Variants in KSR1 observed in about 807,000 individuals in gnomAD.
KSR1 encodes the protein kinase suppressor of ras.
Under a neutral mutation model 92.9 loss-of-function variants are expected in KSR1, and 35 were observed. The ratio of observed to expected loss-of-function variants is 0.38; its 90% CI spans 0.29 to 0.50. The LOEUF is 0.50. Among genes scored for constraint, KSR1 ranks in the 20% least tolerant of loss-of-function variants. The pLI is 0.94. For synonymous variants in KSR1, 467 were observed against 472.6 expected, an observed-to-expected ratio of 0.99 and a Z score of 0.15; for missense variants, 972 against 1,158.5, an observed-to-expected ratio of 0.84 and a Z score of 2.34.
chr17:27,491,141 G>T lies in KSR1; in HGVS notation c.231+34267G>T, dbSNP rs113862196. 5.4e-3 allele frequency among the ~76,000 whole-genome samples: 821 copies of T among 152,138 alleles called. 4 individuals are homozygous for T. The highest frequency in any genetic ancestry group is 0.021 in the Middle Eastern group (6 of 292). Reference sequence around the variant, plus strand: ...TAATTTTTATGTTTATTTTTTTAGAGGTGGAGTCTCATTCTGTCGCCCAGG... The same window carrying T: ...TAATTTTTATGTTTATTTTTTTAGATGTGGAGTCTCATTCTGTCGCCCAGG... On this transcript the variant is annotated intron_variant, in intron 1 of 20. Coordinates refer to ENST00000644974, the MANE Select transcript of KSR1 (RefSeq NM_001394583.1).
Position 27,588,553 on chromosome 17 carries a change from G to A in KSR1, c.1046+18G>A, listed in dbSNP as rs775363451. 3.8e-6 allele frequency: 6 copies of A among 1,582,718 alleles called. No individual in the cohort carries two copies. Among genetic ancestry groups the A allele is most frequent in the African/African-American group, 2.7e-5 (2 of 74,538 alleles). ...ACGCACAGGTAGGCACAGCGGGCCT[G>A]GAGGGGGAGCAGGGCACAGCCGGGC... On this transcript the variant is annotated intron_variant, in intron 6 of 20. Coordinates refer to ENST00000644974, the MANE Select transcript of KSR1 (RefSeq NM_001394583.1).
chr17:27,523,973 GGA>G (rs2070145243), intron 1 of KSR1, among the ~76,000 whole-genome samples: 2 of 152,194 alleles, frequency 1.3e-5, no homozygotes, highest in South Asian at 4.1e-4. Context: ...TAGGAAGAAA[GGA>G]GAGTGGAAAG....
At chr17:27,609,113 T>C (rs190998751) in intron 15 of KSR1, 83 bp from the exon 16 acceptor site, 3 of 1,439,520 alleles carry the variant, frequency 2.1e-6, no homozygotes, top group Admixed American at 2.1e-5. Context: ...AGATCAAATA[T>C]GGGGATTTAG....
At position 27,472,943 on chromosome 17, in the gene KSR1, G is replaced by A. The variant is rs778271007; in HGVS notation, c.231+16069G>A. On this transcript the variant is annotated intron_variant, in intron 1 of 20. Coordinates refer to ENST00000644974, the MANE Select transcript of KSR1 (RefSeq NM_001394583.1). ...CCCAGGTTTTTTGAGACAGGGTCTC[G>A]CAGTGTTTCCTAGGCTGGAGTTCCA... Among the ~76,000 whole-genome samples the A allele has an allele frequency of 3.9e-5, 6 of 152,238 alleles. No individual in the cohort carries two copies. The East Asian group carries it at 7.7e-4, about 20-fold the overall frequency.
chr17:27,552,190 C>G (rs781282290), intron 2 of KSR1, among the ~76,000 whole-genome samples: 3 of 152,110 alleles, frequency 2.0e-5, no homozygotes, highest in Non-Finnish European at 2.9e-5. Context: ...TTTATTTTCT[C>G]AATGACACTG....
chr17:27,585,303 CCTA>C (rs111451715), intron 4 of KSR1, among the ~76,000 whole-genome samples: 18 of 152,310 alleles, frequency 1.2e-4, no homozygotes, highest in African/African-American at 4.3e-4. Context: ...AGCCATGTGA[CCTA>C]CTGAGCCTCC....
At chr17:27,510,197 G>A (rs943195502) in intron 1 of KSR1, among the ~76,000 whole-genome samples, 1 of 152,220 alleles carries the variant, frequency 6.6e-6, no homozygotes, top group African/African-American at 2.4e-5. Flanking sequence ...TCTGAGGGCC[G>A]TGAGTTGTGG....
At chr17:27,592,240 C>T in intron 7 of KSR1, 121 bp from the exon 8 acceptor site, 1 of 756,554 alleles carries the variant, frequency 1.3e-6, no homozygotes, top group Non-Finnish European at 2.3e-6. Flanking sequence ...TTCGAGCTAA[C>T]ATTTGTTGAG....
intron 1 of KSR1, among the ~76,000 whole-genome samples, chr17:27,476,283 T>C (rs974760394): frequency 2.0e-5 from 3 of 152,224 alleles, no homozygotes; most frequent in Non-Finnish European, 4.4e-5. Context: ...TCCTCCAGGT[T>C]CTCTGCAGGG....
chr17:27,621,996 G>T, intron 20 of KSR1: 1 of 1,562,608 alleles, frequency 6.4e-7, no homozygotes, highest in Admixed American at 1.7e-5. Flanking sequence ...TCAGCACCGT[G>T]ACTTCTGCTA....
intron 1 of KSR1, among the ~76,000 whole-genome samples, chr17:27,498,558 A>C (rs2069073169): frequency 6.6e-6 from 1 of 152,126 alleles, no homozygotes; most frequent in Non-Finnish European, 1.5e-5. Context: ...GGGGAAGCTT[A>C]TAGAAGATGG....
Position 27,603,862 on chromosome 17 carries a change from G to C in KSR1, c.1539G>C (p.Pro513=). Residue 513 remains proline (P), a synonymous_variant, in exon 12 of 21, where the codon CCG becomes CCC. Transcript: ENST00000644974. ...TTTCAGCCTTTGCACACGCAGCCCC[G>C]CTCCCTGAAGCTGCCGACGGTACCC... ...PDISAFAHAA[P]LPEAADGTRL... The C allele has an allele frequency of 6.2e-7, 1 of 1,613,904 alleles. No individual in the cohort carries two copies. The highest frequency in any genetic ancestry group is 8.5e-7 in the Non-Finnish European group (1 of 1,179,850).
chr17:27,484,342 C>T (rs2068601200), intron 1 of KSR1, among the ~76,000 whole-genome samples: 1 of 152,232 alleles, frequency 6.6e-6, no homozygotes, highest in Non-Finnish European at 1.5e-5. Flanking sequence ...AGCAATTCTC[C>T]TGCCTTAGCC....
chr17:27,477,998 G>A (rs771583125), intron 1 of KSR1, among the ~76,000 whole-genome samples: 4 of 152,144 alleles, frequency 2.6e-5, no homozygotes, highest in African/African-American at 7.2e-5. Flanking sequence ...ATTACAAGGC[G>A]TGAGGCACCA....
intron 1 of KSR1, among the ~76,000 whole-genome samples, chr17:27,485,129 C>T (rs1441612441): frequency 6.6e-6 from 1 of 152,172 alleles, no homozygotes; most frequent in African/African-American, 2.4e-5. Flanking sequence ...CAAGAGAGTC[C>T]ACCAGCTCTC....
chr17:27,573,140 G>A (rs1029912025), intron 2 of KSR1, among the ~76,000 whole-genome samples: 10 of 152,226 alleles, frequency 6.6e-5, no homozygotes, highest in African/African-American at 2.2e-4. Flanking sequence ...GGGTCTCCGC[G>A]CTTAGGCCTG....
At chr17:27,492,421 T>A (rs1187067483) in intron 1 of KSR1, among the ~76,000 whole-genome samples, 1 of 152,196 alleles carries the variant, frequency 6.6e-6, no homozygotes, top group Non-Finnish European at 1.5e-5. Context: ...TTTCTAGGAA[T>A]GATCAGGCAT....
chr17:27,602,828 C>G (rs2073615401), intron 11 of KSR1, among the ~76,000 whole-genome samples: 1 of 152,244 alleles, frequency 6.6e-6, no homozygotes, highest in African/African-American at 2.4e-5. Flanking sequence ...GTGCATTTCC[C>G]TGATAAGAAG....
intron 1 of KSR1, among the ~76,000 whole-genome samples, chr17:27,532,497 C>T (rs748623567): frequency 2.0e-4 from 30 of 152,234 alleles, no homozygotes; most frequent in Admixed American, 1.2e-3. Flanking sequence ...TGAGCGAAAT[C>T]GGGTCTTATG....
Sources: allele counts gnomAD v4.1 joint callset (sites outside exome capture counted in the v4.1 genomes callset), GRCh38; gene constraint gnomAD v4.1.1; transcripts MANE v1.5; gene names NCBI Gene and HGNC (gene_info 2026-07-23, HGNC 2026-07-21).